CCDC171: variants seen among roughly 807,000 people sequenced by gnomAD.
CCDC171 encodes the protein coiled-coil domain-containing protein 171.
In CCDC171, 177 loss-of-function variants were observed where a neutral mutation model predicts 168.2. That is an observed-to-expected ratio of 1.05 (90% CI 0.93 to 1.19). The LOEUF is 1.19. Ranked by LOEUF, CCDC171 falls within the 50% of genes most tolerant of loss-of-function variation. CCDC171 has a pLI of 0.00. For missense variants in CCDC171, 1,991 were observed against 1,539.0 expected, an observed-to-expected ratio of 1.29 and a Z score of -4.91; for synonymous variants, 687 against 540.8, an observed-to-expected ratio of 1.27 and a Z score of -3.75.
chr9:15,580,473 C>G (rs2041020469), intron 4 of CCDC171, among the ~76,000 whole-genome samples: 1 of 152,064 alleles, frequency 6.6e-6, no homozygotes, highest in Admixed American at 6.6e-5. Context: ...AAAATATTCA[C>G]AAACTATGCA....
At chr9:16,003,105 C>T (rs1324267220) in intron 3 of CCDC171, among the ~76,000 whole-genome samples, 2 of 152,214 alleles carry the variant, frequency 1.3e-5, no homozygotes, top group Non-Finnish European at 2.9e-5. Flanking sequence ...TACACAATTT[C>T]TGCATCTCTG....
At chr9:15,941,789 T>G (rs1193150732) in intron 25 of CCDC171, among the ~76,000 whole-genome samples, 1 of 151,956 alleles carries the variant, frequency 6.6e-6, no homozygotes, top group Non-Finnish European at 1.5e-5. Flanking sequence ...AGACAATTCA[T>G]TTTTAAGCAT....
At chr9:15,746,816 A>T (rs1288779874) in intron 18 of CCDC171, among the ~76,000 whole-genome samples, 2 of 152,226 alleles carry the variant, frequency 1.3e-5, no homozygotes, top group Admixed American at 1.3e-4. Flanking sequence ...CCTGGGAAGC[A>T]CAAGGGGTCA....
chr9:16,010,306 A>C (rs1218148767), intron 3 of CCDC171, among the ~76,000 whole-genome samples: 2 of 152,164 alleles, frequency 1.3e-5, no homozygotes, highest in Non-Finnish European at 2.9e-5. Flanking sequence ...ATGTTCAATA[A>C]AATAAAAACT....
chr9:16,028,252 G>A (rs184590643), intron 6 of CCDC171, among the ~76,000 whole-genome samples: 7 of 152,332 alleles, frequency 4.6e-5, no homozygotes, highest in East Asian at 1.9e-4. Flanking sequence ...AGCTTCTTCC[G>A]TGGTGGATGG....
intron 7 of CCDC171, among the ~76,000 whole-genome samples, chr9:15,652,217 A>G (rs1008290950): frequency 2.0e-5 from 3 of 152,214 alleles, no homozygotes; most frequent in Non-Finnish European, 4.4e-5. Flanking sequence ...TTTTTATATG[A>G]TATGAGGTAT....
intron 24 of CCDC171, among the ~76,000 whole-genome samples, chr9:15,878,912 A>C (rs79275428): frequency 1.3e-5 from 2 of 152,120 alleles, no homozygotes; most frequent in African/African-American, 4.8e-5. Context: ...TGTAAGTGGG[A>C]GCTAAATGAT....
chr9:15,600,691 A>G (rs1294787194), intron 6 of CCDC171, among the ~76,000 whole-genome samples: 1 of 152,160 alleles, frequency 6.6e-6, no homozygotes. Context: ...AAGTCTGCAG[A>G]GGTTTCTGCT....
intron 25 of CCDC171, among the ~76,000 whole-genome samples, chr9:15,948,188 G>A (rs1828669047): frequency 1.3e-5 from 2 of 151,280 alleles, no homozygotes; most frequent in Non-Finnish European, 2.9e-5. Flanking sequence ...GTATTCCATG[G>A]TGCATATGTG....
chr9:15,880,049 C>T (rs1269619016), intron 24 of CCDC171, among the ~76,000 whole-genome samples: 1 of 152,168 alleles, frequency 6.6e-6, no homozygotes, highest in African/African-American at 2.4e-5. Context: ...AATTTGCAGA[C>T]ATCCATTCTT....
intron 24 of CCDC171, among the ~76,000 whole-genome samples, chr9:15,904,670 A>G (rs1822250109): frequency 6.6e-6 from 1 of 152,172 alleles, no homozygotes; most frequent in African/African-American, 2.4e-5. Context: ...CACACATAAC[A>G]ATATTAACCT....
At chr9:15,777,948 A>T in intron 19 of CCDC171, 122 bp downstream of exon 19, 1 of 662,158 alleles carries the variant, frequency 1.5e-6, no homozygotes, top group South Asian at 3.1e-5. Context: ...TTTATAGTTC[A>T]TGTAAAATTT....
intron 2 of CCDC171, among the ~76,000 whole-genome samples, chr9:15,569,560 A>AATCC (rs758921001): frequency 4.3e-4 from 65 of 152,200 alleles, no homozygotes; most frequent in Middle Eastern, 3.4e-3. Flanking sequence ...TCGCGCCTGT[A>AATCC]ATCCCAGCAC....
At chr9:15,894,262 A>G (rs1189095369) in intron 24 of CCDC171, among the ~76,000 whole-genome samples, 2 of 152,106 alleles carry the variant, frequency 1.3e-5, no homozygotes, top group East Asian at 3.9e-4. Flanking sequence ...AACAACACAT[A>G]CTGGGGCTTG....
At chr9:15,561,334 A>G (rs959162012) in intron 1 of CCDC171, among the ~76,000 whole-genome samples, 2 of 152,208 alleles carry the variant, frequency 1.3e-5, no homozygotes, top group African/African-American at 2.4e-5. Flanking sequence ...GTAATGATCA[A>G]TTGAATGTTT....
At chr9:15,863,565 AT>A (rs1255243966) in intron 23 of CCDC171, among the ~76,000 whole-genome samples, 1 of 151,768 alleles carries the variant, frequency 6.6e-6, no homozygotes, top group Non-Finnish European at 1.5e-5. Context: ...CAAAATTTAT[AT>A]TTTGCTTCTT....
chr9:15,678,961 G>GT, intron 10 of CCDC171, 65 bp downstream of exon 10: 1 of 1,215,290 alleles, frequency 8.2e-7, no homozygotes, highest in South Asian at 1.5e-5. Flanking sequence ...GTATAGCAGG[G>GT]TTTTTCCTCA....
chr9:15,584,566 A>G (rs1025454608), intron 4 of CCDC171, among the ~76,000 whole-genome samples: 2 of 152,212 alleles, frequency 1.3e-5, no homozygotes, highest in Non-Finnish European at 2.9e-5. Flanking sequence ...CTTCCAGGTG[A>G]TAGATCACAT....
chr9:15,887,022 C>T (rs1386463965), intron 24 of CCDC171, among the ~76,000 whole-genome samples: 1 of 151,942 alleles, frequency 6.6e-6, no homozygotes, highest in African/African-American at 2.4e-5. Flanking sequence ...AACTTTTGGT[C>T]ATAAGATGAA....
Sources: gnomAD v4.1 joint callset for allele counts (sites outside exome capture counted in the v4.1 genomes callset) on GRCh38, gnomAD v4.1.1 for gene constraint, MANE v1.5 for transcripts, NCBI Gene and HGNC (gene_info 2026-07-23, HGNC 2026-07-21) for gene names.